Variants in FOLH1 observed in about 807,000 individuals in gnomAD.
The protein encoded by FOLH1 is folate hydrolase 1.
In FOLH1, 54 loss-of-function variants were observed where a neutral mutation model predicts 93.9. The ratio of observed to expected loss-of-function variants is 0.57; its 90% CI spans 0.46 to 0.72. The LOEUF (loss-of-function observed/expected upper bound fraction) is 0.72. FOLH1 is among the 30% of genes least tolerant of loss of function. The pLI is 0.00. For missense variants in FOLH1, 571 were observed against 892.5 expected, an observed-to-expected ratio of 0.64 and a Z score of 4.59; for synonymous variants, 249 against 303.6, an observed-to-expected ratio of 0.82 and a Z score of 1.87.
chr11:49,187,885 C>T (rs1323515765), intron 4 of FOLH1, among the ~76,000 whole-genome samples: 1 of 152,188 alleles, frequency 6.6e-6, no homozygotes, highest in African/African-American at 2.4e-5. Flanking sequence ...GAGACCTGGA[C>T]ATCTCAGTCT....
intron 6 of FOLH1, among the ~76,000 whole-genome samples, chr11:49,183,847 T>A (rs1293660136): frequency 6.6e-6 from 1 of 152,082 alleles, no homozygotes; most frequent in Admixed American, 6.6e-5. Context: ...AGTGATTGCT[T>A]CTAGGGGACA....
At chr11:49,207,944 CAAACAAACA>C (rs921659131) in intron 1 of FOLH1, 5 of 485,800 alleles carry the variant, frequency 1.0e-5, no homozygotes, top group East Asian at 5.3e-5. Flanking sequence ...AAAAAACAAA[CAAACAAACA>C]AAACAAAACA....
chr11:49,154,028 T>A, intron 16 of FOLH1, 101 bp from the exon 17 acceptor site: 4 of 1,323,296 alleles, frequency 3.0e-6, no homozygotes, highest in Non-Finnish European at 4.1e-6. Context: ...CCATCATCTT[T>A]TGTGTTTTAC....
At chr11:49,148,776 T>C in intron 17 of FOLH1, 45 bp from the exon 18 acceptor site, 3 of 1,483,680 alleles carry the variant, frequency 2.0e-6, no homozygotes, top group East Asian at 2.4e-5. Flanking sequence ...GAAAATATGT[T>C]TCTACTCAGA....
At chr11:49,188,232 A>T (rs1861634554) in intron 4 of FOLH1, among the ~76,000 whole-genome samples, 1 of 152,164 alleles carries the variant, frequency 6.6e-6, no homozygotes, top group Admixed American at 6.5e-5. Flanking sequence ...TTATAATTAT[A>T]GGCCAGGCAT....
rs759473216 is a variant in FOLH1, at chr11:49,166,464, T to C, written c.1373-1692A>G. Among the ~76,000 whole-genome samples, 29 of 152,202 alleles carry C rather than the reference T, an allele frequency of 1.9e-4. 1 individual carries two copies. The highest frequency in any genetic ancestry group is 8.5e-4 in the Admixed American group (13 of 15,284). ...TCAGAGAGTTATTGTGAGTACTGAA[T>C]AATTTTTTTACGTGTAAAGCACCTG... On this transcript the variant is annotated intron_variant, in intron 12 of 18. Coordinates refer to ENST00000256999, the MANE Select transcript of FOLH1 (RefSeq NM_004476.3).
chr11:49,149,940 TC>T (rs961559328), intron 17 of FOLH1, among the ~76,000 whole-genome samples: 2 of 152,276 alleles, frequency 1.3e-5, no homozygotes, highest in African/African-American at 4.8e-5. Context: ...TGGGTTTTAG[TC>T]CTTCAATACT....
intron 3 of FOLH1, among the ~76,000 whole-genome samples, chr11:49,193,207 A>T (rs1364943459): frequency 6.6e-6 from 1 of 152,226 alleles, no homozygotes; most frequent in Non-Finnish European, 1.5e-5. Context: ...CTATAGAAAG[A>T]AAAGCTCAGA....
chr11:49,153,827 A>G lies in FOLH1; in HGVS notation c.1970+19T>C. ...TATACACACACATACACACATATGC[A>G]CATATATGTAGAACATACTTGCTTT... is the stretch of plus-strand genomic sequence containing the variant. On this transcript the variant is annotated intron_variant, in intron 17 of 18. Transcript: ENST00000256999. 1 of 1,515,880 alleles carries G rather than the reference A, an allele frequency of 6.6e-7. No individual in the cohort carries two copies. Among genetic ancestry groups the G allele is most frequent in the Non-Finnish European group, 9.0e-7 (1 of 1,109,236 alleles). 93.9% of individuals were successfully genotyped at this position (1,515,880 alleles called of 1,614,324 possible).
chr11:49,148,116 G>C (rs1054484464), intron 18 of FOLH1, among the ~76,000 whole-genome samples: 3 of 151,912 alleles, frequency 2.0e-5, no homozygotes, highest in Non-Finnish European at 4.4e-5. Context: ...AGATCAACCT[G>C]GGGACAGTCA....
rs375565491 is a variant in FOLH1, at chr11:49,185,731, C to T, written c.764G>A (p.Arg255His). ...ACCATTCAGATTTAGGATATTTCCACGCTGGACACCACCTCCAGGAAGATT... is the reference window on the plus strand; with the variant it reads ...ACCATTCAGATTTAGGATATTTCCATGCTGGACACCACCTCCAGGAAGATT... Reference protein sequence around the residue: ...GWNLPGGGVQRGNILNLNGAG... With the variant: ...GWNLPGGGVQHGNILNLNGAG... Residue 255 changes from arginine (R) to histidine (H), a missense_variant, in exon 6 of 19, where the codon CGT becomes CAT. Physicochemically the swap from Arg to His is conservative, Grantham distance 29. Coordinates refer to ENST00000256999, the MANE Select transcript of FOLH1 (RefSeq NM_004476.3). The T allele has an allele frequency of 2.7e-5, 44 of 1,613,480 alleles. No homozygotes were observed. Among genetic ancestry groups the T allele is most frequent in the Admixed American group, 8.3e-5 (5 of 59,944 alleles).
At position 49,146,723 on chromosome 11, in the gene FOLH1, A is replaced by G; in HGVS notation, c.*33T>C. 1 of 1,568,628 alleles carries G rather than the reference A, an allele frequency of 6.4e-7. No individual in the cohort carries two copies. Among genetic ancestry groups the G allele is most frequent in the Non-Finnish European group, 8.6e-7 (1 of 1,157,786 alleles). ...CGATTCTTTCTGAGTGACATACCAC[A>G]CAAATTCAATACGGATTCTCTAAAG... On this transcript the variant is annotated 3_prime_UTR_variant, in exon 19 of 19. Transcript: ENST00000256999.
intron 11 of FOLH1, among the ~76,000 whole-genome samples, chr11:49,169,586 A>C (rs1055887648): frequency 6.6e-6 from 1 of 152,238 alleles, no homozygotes; most frequent in Admixed American, 6.5e-5. Flanking sequence ...TGAATGACCT[A>C]AGAGACTTTT....
intron 13 of FOLH1, among the ~76,000 whole-genome samples, chr11:49,160,107 T>C (rs1857524949): frequency 6.6e-6 from 1 of 151,978 alleles, no homozygotes; most frequent in South Asian, 2.1e-4. Flanking sequence ...TTCTTTAGTT[T>C]ATGTGCATAG....
chr11:49,153,744 A>T (rs1856708092), intron 17 of FOLH1, 102 bp downstream of exon 17: 1 of 826,686 alleles, frequency 1.2e-6, no homozygotes, highest in African/African-American at 1.8e-5. Flanking sequence ...GAAAACAGCA[A>T]GAAATTCCCA....
chr11:49,206,197 C>T, intron 1 of FOLH1, 25 bp from the exon 2 acceptor site: 3 of 1,610,004 alleles, frequency 1.9e-6, no homozygotes, highest in Non-Finnish European at 1.7e-6. Flanking sequence ...CAAAAATAGG[C>T]ATGAGATACG....
intron 13 of FOLH1, among the ~76,000 whole-genome samples, chr11:49,163,102 G>A (rs1411201322): frequency 3.3e-5 from 5 of 152,114 alleles, no homozygotes; most frequent in Admixed American, 6.6e-5. Context: ...TTTTTGTAGA[G>A]CAACTGTGCT....
At chr11:49,150,207 C>T (rs1302764338) in intron 17 of FOLH1, among the ~76,000 whole-genome samples, 1 of 152,156 alleles carries the variant, frequency 6.6e-6, no homozygotes, top group Non-Finnish European at 1.5e-5. Context: ...TGGACCTGTG[C>T]AGTTCAAATC....
At chr11:49,178,984 A>C (rs1860415563) in intron 7 of FOLH1, among the ~76,000 whole-genome samples, 1 of 152,246 alleles carries the variant, frequency 6.6e-6, no homozygotes, top group African/African-American at 2.4e-5. Flanking sequence ...TAAATCACTC[A>C]GAAGAAAATA....
Sources: allele counts gnomAD v4.1 joint callset (sites outside exome capture counted in the v4.1 genomes callset), GRCh38; gene constraint gnomAD v4.1.1; transcripts MANE v1.5; gene names NCBI Gene and HGNC (gene_info 2026-07-23, HGNC 2026-07-21).